The following TSPAN14 variants were observed in gnomAD, a reference collection of about 807,000 sequenced individuals.
TSPAN14 encodes tetraspanin-14.
Under a neutral mutation model 36.6 loss-of-function variants are expected in TSPAN14, and 16 were observed. The ratio of observed to expected loss-of-function variants is 0.44; its 90% CI spans 0.30 to 0.66. The LOEUF (loss-of-function observed/expected upper bound fraction) is 0.66. TSPAN14 is among the 30% of genes least tolerant of loss of function. TSPAN14 has a pLI of 0.12. For missense variants in TSPAN14, 231 were observed against 355.1 expected (o/e 0.65, Z 2.81); for synonymous variants, 139 against 143.8 (o/e 0.97, Z 0.24).
intron 1 of TSPAN14, among the ~76,000 whole-genome samples, chr10:80,466,137 A>G (rs907849555): frequency 6.6e-6 from 1 of 152,184 alleles, no homozygotes; most frequent in Non-Finnish European, 1.5e-5. Flanking sequence ...GTTTAGCATT[A>G]TAGCTTACCC....
intron 2 of TSPAN14, among the ~76,000 whole-genome samples, chr10:80,494,480 GC>G (rs1314896641): frequency 2.0e-5 from 3 of 152,244 alleles, no homozygotes; most frequent in Non-Finnish European, 2.9e-5. Flanking sequence ...GGGAAGACAA[GC>G]CCAAGGTGGA....
chr10:80,517,753 C>T, intron 8 of TSPAN14, 152 bp from the exon 9 acceptor site: 1 of 727,318 alleles, frequency 1.4e-6, no homozygotes, highest in South Asian at 1.7e-5. Flanking sequence ...TGTGCTGTGC[C>T]ACTCGCTCTG....
chr10:80,505,761 C>T (rs930395542), intron 3 of TSPAN14, among the ~76,000 whole-genome samples: 2 of 152,358 alleles, frequency 1.3e-5, no homozygotes, highest in Middle Eastern at 3.4e-3. Flanking sequence ...GTGGCTTCCC[C>T]TGGGACTGCA....
chr10:80,481,879 G>A (rs955601710), intron 1 of TSPAN14, among the ~76,000 whole-genome samples: 3 of 151,838 alleles, frequency 2.0e-5, no homozygotes, highest in Admixed American at 1.3e-4. Context: ...TCAGCCTCCC[G>A]AGTAGCTGGG....
intron 1 of TSPAN14, among the ~76,000 whole-genome samples, chr10:80,484,646 A>G (rs1346936342): frequency 2.0e-5 from 3 of 152,178 alleles, no homozygotes; most frequent in Admixed American, 6.5e-5. Flanking sequence ...ATGGGTCTCT[A>G]TAGGTTGCAG....
chr10:80,514,978 C>T (rs1366851656), intron 7 of TSPAN14, among the ~76,000 whole-genome samples: 1 of 152,148 alleles, frequency 6.6e-6, no homozygotes, highest in Non-Finnish European at 1.5e-5. Flanking sequence ...CCTCATCCGA[C>T]ACTGAATTTG....
At chr10:80,503,551 A>G (rs554677737) in intron 2 of TSPAN14, among the ~76,000 whole-genome samples, 1 of 151,908 alleles carries the variant, frequency 6.6e-6, no homozygotes, top group African/African-American at 2.4e-5. Context: ...CTTAGTGTTC[A>G]CAGACCATTG....
Position 80,504,872 on chromosome 10 carries a change from CA to C in TSPAN14, c.132+96del, listed in dbSNP as rs1840200594. 39 of 1,363,818 alleles carry C rather than the reference CA, an allele frequency of 2.9e-5. 2 individuals are homozygous for C. In the South Asian group the frequency reaches 4.6e-4, roughly 16 times the overall value. 84.5% of individuals were successfully genotyped at this position (1,363,818 alleles called of 1,614,324 possible). A position where few individuals can be genotyped will look rare whatever the true frequency, so the allele number is the denominator to read the frequency against. On this transcript the variant is annotated intron_variant, in intron 3 of 8. Coordinates refer to ENST00000429989, the Ensembl canonical transcript of TSPAN14. Reference sequence around the variant, plus strand: ...CCTCCTCCAATCTGTTCCCTGACAACAAGCATTTCTTGTGCAGTGTCAAGGT... The same window carrying C: ...CCTCCTCCAATCTGTTCCCTGACAACAGCATTTCTTGTGCAGTGTCAAGGT...
At chr10:80,477,030 A>C (rs1290948793) in intron 1 of TSPAN14, among the ~76,000 whole-genome samples, 1 of 152,214 alleles carries the variant, frequency 6.6e-6, no homozygotes, top group Non-Finnish European at 1.5e-5. Context: ...GTCCTTGCTT[A>C]CTGTCAGCCA....
chr10:80,476,189 T>G (rs1846872859), intron 1 of TSPAN14, among the ~76,000 whole-genome samples: 1 of 151,870 alleles, frequency 6.6e-6, no homozygotes, highest in Non-Finnish European at 1.5e-5. Context: ...CTGGGCAACA[T>G]AGTGAGACCC....
chr10:80,455,220 A>T (rs1293880479), intron 1 of TSPAN14, among the ~76,000 whole-genome samples: 1 of 152,034 alleles, frequency 6.6e-6, no homozygotes, highest in Non-Finnish European at 1.5e-5. Context: ...GGGGACTTAA[A>T]GTTGATCTCC....
Position 80,518,186 on chromosome 10 carries a change from C to A in TSPAN14, c.*210C>A, listed in dbSNP as rs1395503456. 6.2e-5 allele frequency: 37 copies of A among 595,612 alleles called. No individual in the cohort carries two copies. The East Asian group carries it at 1.0e-3, about 16-fold the overall frequency. 36.9% of individuals were successfully genotyped at this position (595,612 alleles called of 1,614,324 possible). ...TACCTGCCCAAACTTGTGACTGCATCCCTCTGGAGTCTACCCAGAGACAGA... is the reference window on the plus strand; with the variant it reads ...TACCTGCCCAAACTTGTGACTGCATACCTCTGGAGTCTACCCAGAGACAGA... On this transcript the variant is annotated 3_prime_UTR_variant, in exon 9 of 9. Transcript: ENST00000429989.
chr10:80,515,074 T>C (rs1281297590), intron 7 of TSPAN14, among the ~76,000 whole-genome samples: 1 of 152,210 alleles, frequency 6.6e-6, no homozygotes, highest in Non-Finnish European at 1.5e-5. Flanking sequence ...TCTATAGTAT[T>C]TTATTCTAGT....
chr10:80,506,736 T>C (rs1190073255), intron 3 of TSPAN14, among the ~76,000 whole-genome samples: 2 of 152,236 alleles, frequency 1.3e-5, no homozygotes, highest in Admixed American at 6.5e-5. Context: ...AACACCTCCA[T>C]TGGTGTAGAA....
Position 80,509,298 on chromosome 10 carries a change from C to T in TSPAN14, c.280-3C>T. 1 of 1,613,034 alleles carries T rather than the reference C, an allele frequency of 6.2e-7. No homozygotes were observed. Among genetic ancestry groups the T allele is most frequent in the East Asian group, 2.2e-5 (1 of 44,866 alleles). On this transcript the variant is annotated splice_region_variant and splice_polypyrimidine_tract_variant and intron_variant, in intron 4 of 8. Transcript: ENST00000429989. This position sits in a 1 kb window ranked among gnomAD's most constrained non-coding sequence, Gnocchi z 4.7. ...CTTCTGCTCCCGTCCCCTTCCCCTG[C>T]AGTTCTGTGGCACCATCGTGCTCAT...
chr10:80,458,089 A>T (rs1241989631), intron 1 of TSPAN14, among the ~76,000 whole-genome samples: 1 of 152,184 alleles, frequency 6.6e-6, no homozygotes, highest in East Asian at 1.9e-4. Context: ...TGCATGTTCC[A>T]TCCGCTACCT....
chr10:80,509,187 G>GGTGCA lies in TSPAN14; in HGVS notation c.280-112_280-108dup. 2 of 1,163,136 alleles carry GGTGCA rather than the reference G, an allele frequency of 1.7e-6. No individual in the cohort carries two copies. The highest frequency in any genetic ancestry group is 1.2e-6 in the Non-Finnish European group (1 of 823,154). 72.1% of individuals were successfully genotyped at this position (1,163,136 alleles called of 1,614,324 possible). On this transcript the variant is annotated intron_variant, in intron 4 of 8. Coordinates refer to ENST00000429989, the Ensembl canonical transcript of TSPAN14. This position sits in a 1 kb window ranked among gnomAD's most constrained non-coding sequence, Gnocchi z 4.7. ...CTGGGGCCCCGATGTGGGACTCTCA[G>GGTGCA]GTGCAGAGCCCACGCTCTGCTGAGG...
In TSPAN14 at chr10:80,493,827, G is replaced by A. The variant is rs117981834; in HGVS notation, c.81+4513G>A. Among the ~76,000 whole-genome samples the A allele has an allele frequency of 3.8e-3, 585 of 152,286 alleles. 2 individuals are homozygous for A. The highest frequency in any genetic ancestry group is 7.1e-3 in the Non-Finnish European group (483 of 68,030). ...CAGAGGAAGGGAAGCTGGGAGAGGC[G>A]TACACTGGAGGAGTGGCATCTGGCT... is the stretch of plus-strand genomic sequence containing the variant. On this transcript the variant is annotated intron_variant, in intron 2 of 8. Coordinates refer to ENST00000429989, the Ensembl canonical transcript of TSPAN14.
intron 2 of TSPAN14, among the ~76,000 whole-genome samples, chr10:80,494,421 C>A (rs1218073576): frequency 1.3e-5 from 2 of 152,220 alleles, no homozygotes; most frequent in African/African-American, 4.8e-5. Flanking sequence ...AGGTGTACCC[C>A]AGGCCTCTCC....
Sources: gnomAD v4.1 joint callset for allele counts (sites outside exome capture counted in the v4.1 genomes callset) on GRCh38, gnomAD v4.1.1 for gene constraint, Gnocchi (gnomAD v3.1) non-coding constraint, MANE v1.5 for transcripts, NCBI Gene and HGNC (gene_info 2026-07-23, HGNC 2026-07-21) for gene names.